The following GPATCH2 variants were observed in gnomAD, a reference collection of about 807,000 sequenced individuals.
The protein encoded by GPATCH2 is G patch domain-containing protein 2.
Under a neutral mutation model 58.0 loss-of-function variants are expected in GPATCH2, and 51 were observed. That is an observed-to-expected ratio of 0.88 (90% CI 0.70 to 1.11). The LOEUF is 1.11. GPATCH2 is among the 50% of genes most tolerant of loss of function. The pLI is 0.00. For synonymous variants in GPATCH2, 222 were observed against 218.5 expected (o/e 1.02, Z -0.14); for missense variants, 625 against 652.2 (o/e 0.96, Z 0.45).
chr1:217,536,196 C>G (rs1296155102), intron 5 of GPATCH2, among the ~76,000 whole-genome samples: 1 of 152,142 alleles, frequency 6.6e-6, no homozygotes, highest in African/African-American at 2.4e-5. Flanking sequence ...GCTTTGTAGT[C>G]AGATGAAGCA....
At chr1:217,601,032 A>G (rs1264577563) in intron 5 of GPATCH2, among the ~76,000 whole-genome samples, 1 of 152,176 alleles carries the variant, frequency 6.6e-6, no homozygotes, top group Non-Finnish European at 1.5e-5. Flanking sequence ...TGCAAATACT[A>G]AAGTGAGAAA....
At chr1:217,443,527 T>A (rs1396254142) in intron 9 of GPATCH2, among the ~76,000 whole-genome samples, 1 of 152,164 alleles carries the variant, frequency 6.6e-6, no homozygotes, top group African/African-American at 2.4e-5. Context: ...TATTTCTTGA[T>A]ATAGACTCGT....
At chr1:217,492,404 A>C (rs963551781) in intron 7 of GPATCH2, 2 of 152,196 alleles carry the variant, frequency 1.3e-5, no homozygotes, top group Non-Finnish European at 2.9e-5. Flanking sequence ...AAAGAAAAAA[A>C]CAAATAGTCA....
chr1:217,524,944 G>C (rs1257924932), intron 5 of GPATCH2, among the ~76,000 whole-genome samples: 1 of 67,738 alleles, frequency 1.5e-5, no homozygotes, highest in East Asian at 5.3e-4. Flanking sequence ...GGGAGAGGGA[G>C]ATTTCAGTTT....
intron 1 of GPATCH2, among the ~76,000 whole-genome samples, chr1:217,625,730 C>A (rs1669419271): frequency 6.6e-6 from 1 of 152,138 alleles, no homozygotes; most frequent in Non-Finnish European, 1.5e-5. Flanking sequence ...TGCCTGTAAT[C>A]CCAGCATTCT....
At chr1:217,526,652 T>C (rs1558459867) in intron 5 of GPATCH2, among the ~76,000 whole-genome samples, 1 of 152,150 alleles carries the variant, frequency 6.6e-6, no homozygotes, top group Non-Finnish European at 1.5e-5. Flanking sequence ...ATAATCACAG[T>C]CAGACTGTCA....
chr1:217,535,629 G>C (rs927851922), intron 5 of GPATCH2, among the ~76,000 whole-genome samples: 1 of 152,236 alleles, frequency 6.6e-6, no homozygotes, highest in African/African-American at 2.4e-5. Context: ...GGGATTACAG[G>C]CGTGAGCCAC....
chr1:217,477,572 G>A (rs1661022143), intron 8 of GPATCH2, among the ~76,000 whole-genome samples: 1 of 152,110 alleles, frequency 6.6e-6, no homozygotes, highest in Non-Finnish European at 1.5e-5. Context: ...AGGGAACATT[G>A]GCAATAGTCT....
intron 7 of GPATCH2, chr1:217,492,791 CATAGGAA>C (rs753167654): frequency 5.3e-5 from 8 of 152,108 alleles, no homozygotes; most frequent in Admixed American, 1.3e-4. Context: ...AAAACTGGAA[CATAGGAA>C]ATGCTGAGAA....
chr1:217,553,389 C>T (rs1453202255), intron 5 of GPATCH2, among the ~76,000 whole-genome samples: 2 of 151,958 alleles, frequency 1.3e-5, no homozygotes, highest in African/African-American at 4.8e-5. Context: ...ACAATAAATC[C>T]AATCATCACA....
Position 217,581,499 on chromosome 1 carries a change from C to T in GPATCH2, c.1098+28822G>A, listed in dbSNP as rs190998968. 8.5e-5 allele frequency among the ~76,000 whole-genome samples: 13 copies of T among 152,192 alleles called. No individual in the cohort carries two copies. In the East Asian group the frequency reaches 2.1e-3, roughly 25 times the overall value. On this transcript the variant is annotated intron_variant, in intron 5 of 9. Coordinates refer to ENST00000366935, the MANE Select transcript of GPATCH2 (RefSeq NM_018040.5). ...AAAGATCAATGCTCATTCCAATATA[C>T]GATGCAAGGCAAAGCCAGAGTTGCT...
At chr1:217,488,234 T>C (rs954007476) in intron 8 of GPATCH2, among the ~76,000 whole-genome samples, 2 of 152,222 alleles carry the variant, frequency 1.3e-5, no homozygotes, top group Admixed American at 1.3e-4. Context: ...CCAGTTTGGA[T>C]GCAAGGTTTT....
At chr1:217,553,462 G>A (rs1345614660) in intron 5 of GPATCH2, among the ~76,000 whole-genome samples, 2 of 151,956 alleles carry the variant, frequency 1.3e-5, no homozygotes, top group Non-Finnish European at 2.9e-5. Context: ...ATGGCTTTAA[G>A]TCAAACAATG....
intron 1 of GPATCH2, among the ~76,000 whole-genome samples, chr1:217,623,070 C>T (rs1669276732): frequency 6.6e-6 from 1 of 152,020 alleles, no homozygotes; most frequent in Non-Finnish European, 1.5e-5. Flanking sequence ...GTCTGAAAGA[C>T]CTATTGTCTC....
At chr1:217,455,539 G>A (rs1021052122) in intron 8 of GPATCH2, among the ~76,000 whole-genome samples, 6 of 152,130 alleles carry the variant, frequency 3.9e-5, no homozygotes, top group East Asian at 1.9e-4. Flanking sequence ...ACTCTAGTCA[G>A]AGGGTTCGAG....
chr1:217,599,947 T>C (rs1254003172), intron 5 of GPATCH2, among the ~76,000 whole-genome samples: 1 of 152,132 alleles, frequency 6.6e-6, no homozygotes, highest in Non-Finnish European at 1.5e-5. Context: ...ATTGAATACT[T>C]CAAAATCGAT....
intron 8 of GPATCH2, among the ~76,000 whole-genome samples, chr1:217,455,607 T>A (rs926768064): frequency 3.9e-5 from 6 of 152,266 alleles, no homozygotes; most frequent in East Asian, 1.9e-4. Context: ...GGTGGCCTCT[T>A]CTGGAGCTAC....
chr1:217,539,218 AT>A (rs1664615516), intron 5 of GPATCH2, among the ~76,000 whole-genome samples: 1 of 152,172 alleles, frequency 6.6e-6, no homozygotes, highest in Non-Finnish European at 1.5e-5. Context: ...TAATTTCAGA[AT>A]GGGAAGCATC....
chr1:217,598,668 T>C (rs1667970835), intron 5 of GPATCH2, among the ~76,000 whole-genome samples: 1 of 152,008 alleles, frequency 6.6e-6, no homozygotes. Context: ...GGTTTCACCA[T>C]GTTGGCCAGG....
Sources: allele counts gnomAD v4.1 joint callset (sites outside exome capture counted in the v4.1 genomes callset), GRCh38; gene constraint gnomAD v4.1.1; transcripts MANE v1.5; gene names NCBI Gene and HGNC (gene_info 2026-07-23, HGNC 2026-07-21).